Variants in LMNB1 observed in about 807,000 individuals in gnomAD.
The protein encoded by LMNB1 is lamin B1, also known as lamin-B1.
In LMNB1, 23 loss-of-function variants were observed where a neutral mutation model predicts 67.1. The ratio of observed to expected loss-of-function variants is 0.34; its 90% CI spans 0.25 to 0.49. The LOEUF (loss-of-function observed/expected upper bound fraction) is 0.49. LMNB1 is among the 20% of genes least tolerant of loss of function. The pLI, the probability that LMNB1 is intolerant of heterozygous loss-of-function variation, is 0.99. For synonymous variants in LMNB1, 281 were observed against 282.9 expected (o/e 0.99, Z 0.07); for missense variants, 634 against 746.5 (o/e 0.85, Z 1.76).
In LMNB1 at chr5:126,777,414, G is replaced by T. The variant is rs1375055563; in HGVS notation, c.-95G>T. ...GTCTGGACGTGAGCGCAGGTCGCCG[G>T]TTTGTGCCTTCGGTCCCCGCTTCGC... On this transcript the variant is annotated 5_prime_UTR_variant, in exon 1 of 11. Coordinates refer to ENST00000261366, the MANE Select transcript of LMNB1 (RefSeq NM_005573.4). 2 of 1,238,606 alleles carry T rather than the reference G, an allele frequency of 1.6e-6. No individual in the cohort carries two copies. The highest frequency in any genetic ancestry group is 2.0e-6 in the Non-Finnish European group (2 of 989,868). 76.7% of individuals were successfully genotyped at this position (1,238,606 alleles called of 1,614,324 possible).
chr5:126,795,949 T>TTTTTTTTTTTG (rs1751079121), intron 1 of LMNB1, among the ~76,000 whole-genome samples: 2 of 145,206 alleles, frequency 1.4e-5, no homozygotes, highest in Admixed American at 7.0e-5. Flanking sequence ...TTTTTTTTTT[T>TTTTTTTTTTTG]GAGACGGAGT....
At chr5:126,820,857 G>T in intron 6 of LMNB1, 53 bp from the exon 7 acceptor site, 1 of 1,323,010 alleles carries the variant, frequency 7.6e-7, no homozygotes, top group Non-Finnish European at 1.1e-6. Context: ...TTTTTTTAAG[G>T]CGAGAAGGGC....
At chr5:126,801,957 C>T (rs1751297146) in intron 1 of LMNB1, among the ~76,000 whole-genome samples, 1 of 152,184 alleles carries the variant, frequency 6.6e-6, no homozygotes, top group South Asian at 2.1e-4. Flanking sequence ...TGTATCCTAG[C>T]CCTTCTGGTA....
intron 5 of LMNB1, among the ~76,000 whole-genome samples, chr5:126,817,538 A>C (rs1048354918): frequency 6.6e-6 from 1 of 152,086 alleles, no homozygotes; most frequent in Non-Finnish European, 1.5e-5. Context: ...ATTCATACAG[A>C]TGTCTCTGAC....
intron 1 of LMNB1, among the ~76,000 whole-genome samples, chr5:126,800,979 ATAATT>A (rs1751267167): frequency 2.8e-5 from 1 of 35,470 alleles, no homozygotes; most frequent in East Asian, 8.0e-4. Context: ...ATATATATAT[ATAATT>A]TTTTTTTTTT....
intron 5 of LMNB1, among the ~76,000 whole-genome samples, chr5:126,818,337 C>T (rs1047711253): frequency 6.7e-6 from 1 of 150,242 alleles, no homozygotes; most frequent in Non-Finnish European, 1.5e-5. Context: ...CTCCGGGGTT[C>T]AAGCGATTGT....
chr5:126,803,495 A>G (rs1231503620), intron 1 of LMNB1, among the ~76,000 whole-genome samples: 2 of 151,874 alleles, frequency 1.3e-5, no homozygotes, highest in Non-Finnish European at 2.9e-5. Context: ...TGATCCGCCC[A>G]CCTCAGCCTC....
At position 126,804,963 on chromosome 5, in the gene LMNB1, T is replaced by C. The variant is rs200559126; in HGVS notation, c.516+31T>C. ...GTCAAGCCTACTCTTGAGCCGTATG[T>C]GACAGGTTAATTGCCTCATCTGCCT... On this transcript the variant is annotated intron_variant, in intron 2 of 10. Coordinates refer to ENST00000261366, the MANE Select transcript of LMNB1 (RefSeq NM_005573.4). 26 of 1,591,650 alleles carry C rather than the reference T, an allele frequency of 1.6e-5. No individual in the cohort carries two copies. The African/African-American group carries it at 3.4e-4, about 21-fold the overall frequency.
intron 5 of LMNB1, chr5:126,815,307 T>A (rs1751681217): frequency 6.6e-6 from 1 of 152,198 alleles, no homozygotes; most frequent in African/African-American, 2.4e-5. Context: ...ATACTGGTTT[T>A]ACAAGATATA....
intron 3 of LMNB1, 27 bp from the exon 4 acceptor site, chr5:126,810,153 G>A: frequency 6.3e-7 from 1 of 1,597,882 alleles, no homozygotes; most frequent in Non-Finnish European, 8.6e-7. Flanking sequence ...AAGTAGCTTG[G>A]CTTTATGCTT....
At chr5:126,799,417 A>G (rs1346665895) in intron 1 of LMNB1, among the ~76,000 whole-genome samples, 1 of 152,262 alleles carries the variant, frequency 6.6e-6, no homozygotes, top group Non-Finnish European at 1.5e-5. Context: ...CTCACAAGGT[A>G]AGGACAGCTG....
At chr5:126,783,672 A>C (rs1020383544) in intron 1 of LMNB1, among the ~76,000 whole-genome samples, 1 of 152,186 alleles carries the variant, frequency 6.6e-6, no homozygotes, top group Admixed American at 6.6e-5. Flanking sequence ...AGATTCAAGG[A>C]AGTAAACAGG....
chr5:126,787,546 A>ATATATATTTTTTT lies in LMNB1; in HGVS notation c.359+9680_359+9681insATATATTTTTTTT. ...GGGGTATATATATATATATATATAT[A>ATATATATTTTTTT]TTTTTTTTTTTTTTTTTTGAGATAG... is the stretch of plus-strand genomic sequence containing the variant. On this transcript the variant is annotated intron_variant, in intron 1 of 10. Transcript: ENST00000261366. Among the ~76,000 whole-genome samples the ATATATATTTTTTT allele has an allele frequency of 5.2e-3, 342 of 65,298 alleles. 3 individuals carry two copies. The highest frequency in any genetic ancestry group is 0.019 in the Middle Eastern group (1 of 54). The allele number at this position is 65,298 out of a possible 152,430, so 42.8% of individuals were successfully genotyped here. A position where few individuals can be genotyped will look rare whatever the true frequency, so the allele number is the denominator to read the frequency against.
At chr5:126,808,992 C>G (rs1374518623) in intron 3 of LMNB1, among the ~76,000 whole-genome samples, 2 of 152,058 alleles carry the variant, frequency 1.3e-5, no homozygotes, top group African/African-American at 4.8e-5. Context: ...TCTCCCATCT[C>G]AGCCTCCTGA....
At position 126,836,488 on chromosome 5, in the gene LMNB1, T is replaced by G; in HGVS notation, c.*224T>G. The stretch of plus-strand genomic sequence containing the variant: ...TGTGAATTATTGACACTGAACTTAA[T>G]AACTGTGTACTGTTCGGAAGGGGTT... On this transcript the variant is annotated 3_prime_UTR_variant, in exon 11 of 11. Coordinates refer to ENST00000261366, the MANE Select transcript of LMNB1 (RefSeq NM_005573.4). 1 of 480,030 alleles carries G rather than the reference T, an allele frequency of 2.1e-6. No individual in the cohort carries two copies. The highest frequency in any genetic ancestry group is 3.7e-6 in the Non-Finnish European group (1 of 272,774). The allele number at this position is 480,030 out of a possible 1,614,324, so 29.7% of individuals were successfully genotyped here. A position where few individuals can be genotyped will look rare whatever the true frequency, so the allele number is the denominator to read the frequency against.
At chr5:126,810,086 G>C (rs1751546456) in intron 3 of LMNB1, 94 bp from the exon 4 acceptor site, 1 of 1,179,002 alleles carries the variant, frequency 8.5e-7, no homozygotes, top group Admixed American at 2.0e-5. Context: ...GGAAGTTCGT[G>C]TGTAAAACTT....
intron 3 of LMNB1, among the ~76,000 whole-genome samples, chr5:126,808,221 T>C (rs981424056): frequency 1.3e-5 from 2 of 151,888 alleles, no homozygotes; most frequent in Admixed American, 6.6e-5. Context: ...TCTCACTCTG[T>C]TGCCCAGGCT....
At chr5:126,817,904 A>G (rs1580548877) in intron 5 of LMNB1, among the ~76,000 whole-genome samples, 1 of 152,212 alleles carries the variant, frequency 6.6e-6, no homozygotes, top group African/African-American at 2.4e-5. Flanking sequence ...ACTGAGATGA[A>G]TTCTGTCATG....
intron 5 of LMNB1, 82 bp from the exon 6 acceptor site, chr5:126,818,840 T>G (rs1751789702): frequency 1.0e-6 from 1 of 960,936 alleles, no homozygotes; most frequent in South Asian, 1.4e-5. Flanking sequence ...TGTTTTCCAG[T>G]CTAGGAAATG....
Sources: allele counts gnomAD v4.1 joint callset (sites outside exome capture counted in the v4.1 genomes callset), GRCh38; gene constraint gnomAD v4.1.1; transcripts MANE v1.5; gene names NCBI Gene and HGNC (gene_info 2026-07-23, HGNC 2026-07-21).